Variants in TRAF5 observed in about 807,000 individuals in gnomAD.
The protein encoded by TRAF5 is TNF receptor-associated factor 5.
Under a neutral mutation model 64.5 loss-of-function variants are expected in TRAF5, and 48 were observed. The ratio of observed to expected loss-of-function variants is 0.74; its 90% CI spans 0.59 to 0.95. TRAF5 has a LOEUF of 0.95. TRAF5 is among the 40% of genes least tolerant of loss of function. The probability of loss-of-function intolerance (pLI) is 0.00; values close to 1 mark genes in which losing one functional copy is unlikely to be tolerated. For missense variants in TRAF5, 545 were observed against 662.8 expected (o/e 0.82, Z 1.95); for synonymous variants, 206 against 240.5 (o/e 0.86, Z 1.33).
At chr1:211,358,654 G>A (rs1386089595) in intron 4 of TRAF5, 1 of 150,864 alleles carries the variant, frequency 6.6e-6, no homozygotes, top group Non-Finnish European at 1.5e-5. Flanking sequence ...TGCAGTGAAC[G>A]GAGATTGCGC....
chr1:211,364,378 A>G (rs1443864447), intron 7 of TRAF5, among the ~76,000 whole-genome samples: 1 of 152,164 alleles, frequency 6.6e-6, no homozygotes, highest in Non-Finnish European at 1.5e-5. Flanking sequence ...AGGAAGAACT[A>G]GCGTTGACTT....
intron 8 of TRAF5, among the ~76,000 whole-genome samples, chr1:211,367,103 T>G (rs193294206): frequency 6.6e-6 from 1 of 152,296 alleles, no homozygotes; most frequent in East Asian, 1.9e-4. Flanking sequence ...TACCTCAGCC[T>G]CTTGAGTAGC....
At position 211,337,369 on chromosome 1, in the gene TRAF5, C is replaced by T. The variant is rs777942459; in HGVS notation, c.-2+10480C>T. 6.6e-5 allele frequency among the ~76,000 whole-genome samples: 10 copies of T among 152,034 alleles called. No individual in the cohort carries two copies. In the East Asian group the frequency reaches 7.7e-4, roughly 12 times the overall value. On this transcript the variant is annotated intron_variant, in intron 1 of 10. Coordinates refer to ENST00000261464, the MANE Select transcript of TRAF5 (RefSeq NM_001033910.3). ...AAGCCTCTTCTGCTGTTCAAGAAGA[C>T]GCAAGGCAGTGTTGCCAGAGTGAGT...
At chr1:211,336,452 C>G (rs1040561712) in intron 1 of TRAF5, among the ~76,000 whole-genome samples, 4 of 152,222 alleles carry the variant, frequency 2.6e-5, no homozygotes, top group African/African-American at 9.6e-5. Flanking sequence ...ACTCCTACCC[C>G]AGGTCAGCCA....
intron 1 of TRAF5, among the ~76,000 whole-genome samples, chr1:211,342,044 ACTT>A (rs757831576): frequency 2.6e-5 from 4 of 152,274 alleles, no homozygotes; most frequent in Non-Finnish European, 2.9e-5. Context: ...GGGTCAGCAA[ACTT>A]CTTCTGTAAA....
intron 4 of TRAF5, chr1:211,358,661 G>A (rs1703065118): frequency 6.6e-6 from 1 of 151,266 alleles, no homozygotes; most frequent in African/African-American, 2.4e-5. Flanking sequence ...AACGGAGATT[G>A]CGCCACTTCA....
chr1:211,371,874 C>A, intron 10 of TRAF5, among the ~76,000 whole-genome samples: 1 of 152,186 alleles, frequency 6.6e-6, no homozygotes, highest in Admixed American at 6.5e-5. Flanking sequence ...CTGATTCACG[C>A]TAGTTGAATG....
At chr1:211,332,704 T>C (rs1260290885) in intron 1 of TRAF5, among the ~76,000 whole-genome samples, 1 of 152,010 alleles carries the variant, frequency 6.6e-6, no homozygotes, top group Non-Finnish European at 1.5e-5. Flanking sequence ...ATTCCAGGAA[T>C]AACCCACTAG....
At chr1:211,337,428 C>T (rs1331158431) in intron 1 of TRAF5, among the ~76,000 whole-genome samples, 2 of 152,152 alleles carry the variant, frequency 1.3e-5, no homozygotes, top group Non-Finnish European at 2.9e-5. Context: ...AGTAAGGACA[C>T]AGAGAATGGA....
rs562087114 is a variant in TRAF5, at chr1:211,369,670, T to C, written c.930+78T>C. ...AGAGTTTTTCTTTTAACTTCTTAAATAGAAATAATTTAAAATATACAGAAA... is the reference window on the plus strand; with the variant it reads ...AGAGTTTTTCTTTTAACTTCTTAAACAGAAATAATTTAAAATATACAGAAA... On this transcript the variant is annotated intron_variant, in intron 9 of 10. Transcript: ENST00000261464. The C allele has an allele frequency of 4.4e-6, 6 of 1,352,962 alleles. No individual in the cohort carries two copies. The South Asian group carries it at 9.7e-5, about 22-fold the overall frequency. The allele number at this position is 1,352,962 out of a possible 1,614,324, so 83.8% of individuals were successfully genotyped here. A position where few individuals can be genotyped will look rare whatever the true frequency, so the allele number is the denominator to read the frequency against.
Position 211,333,440 on chromosome 1 carries a change from C to A in TRAF5, c.-2+6551C>A, listed in dbSNP as rs534334573. ...CCAACCTCAGGCGATCCACTCCCCCCCCACTCCCCACTAGGCCTCCCAAAG... is the reference window on the plus strand; with the variant it reads ...CCAACCTCAGGCGATCCACTCCCCCACCACTCCCCACTAGGCCTCCCAAAG... On this transcript the variant is annotated intron_variant, in intron 1 of 10. Transcript: ENST00000261464. Among the ~76,000 whole-genome samples, 364 of 152,130 alleles carry A rather than the reference C, an allele frequency of 2.4e-3. 1 individual carries two copies. Among genetic ancestry groups the A allele is most frequent in the Admixed American group, 6.2e-3 (95 of 15,270 alleles).
In TRAF5 at chr1:211,373,025, G is replaced by C; in HGVS notation, c.*323G>C. 1 of 190,460 alleles carries C rather than the reference G, an allele frequency of 5.3e-6. No homozygotes were observed. Among genetic ancestry groups the C allele is most frequent in the Non-Finnish European group, 1.1e-5 (1 of 92,674 alleles). The allele number at this position is 190,460 out of a possible 1,614,324, so 11.8% of individuals were successfully genotyped here. ...GTGTCTCGGGCACTCTAAATATTGA[G>C]TGTTATGGAGGACACAGAGGTAGCA... On this transcript the variant is annotated 3_prime_UTR_variant, in exon 11 of 11. Coordinates refer to ENST00000261464, the MANE Select transcript of TRAF5 (RefSeq NM_001033910.3).
intron 4 of TRAF5, chr1:211,358,386 G>A (rs1465026228): frequency 6.6e-6 from 1 of 151,818 alleles, no homozygotes; most frequent in Admixed American, 6.6e-5. Context: ...TGAGGCAGGA[G>A]AATCGCTTGA....
intron 5 of TRAF5, 124 bp from the exon 6 acceptor site, chr1:211,360,578 A>G: frequency 5.9e-6 from 4 of 673,518 alleles, no homozygotes; most frequent in Non-Finnish European, 7.7e-6. Flanking sequence ...CTTTTTTGGA[A>G]TTAGGCAATA....
intron 10 of TRAF5, among the ~76,000 whole-genome samples, chr1:211,371,867 A>ATTCACGC (rs1235880536): frequency 4.6e-5 from 7 of 152,234 alleles, no homozygotes; most frequent in African/African-American, 1.7e-4. Context: ...CAGCATGCTG[A>ATTCACGC]TTCACGCTAG....
chr1:211,349,078 C>T (rs962271046), intron 1 of TRAF5, among the ~76,000 whole-genome samples: 31 of 148,868 alleles, frequency 2.1e-4, no homozygotes, highest in Admixed American at 1.7e-3. Flanking sequence ...CGTGGTGGCA[C>T]GCACCTGTAG....
chr1:211,365,603 C>A (rs1209184857), intron 8 of TRAF5, 135 bp downstream of exon 8: 7 of 664,830 alleles, frequency 1.1e-5, no homozygotes, highest in Non-Finnish European at 1.7e-5. Context: ...TATTAAGTGG[C>A]CAAACAGGCT....
At chr1:211,336,834 C>A (rs1466855029) in intron 1 of TRAF5, among the ~76,000 whole-genome samples, 1 of 152,170 alleles carries the variant, frequency 6.6e-6, no homozygotes, top group Non-Finnish European at 1.5e-5. Context: ...TAATTTTTGT[C>A]TTTTTGGTAG....
chr1:211,370,251 A>T (rs989969348), intron 9 of TRAF5, among the ~76,000 whole-genome samples: 1 of 152,158 alleles, frequency 6.6e-6, no homozygotes, highest in African/African-American at 2.4e-5. Flanking sequence ...TGTCTTTATC[A>T]TGATTATAAA....
Sources: gnomAD v4.1 joint callset for allele counts (sites outside exome capture counted in the v4.1 genomes callset) on GRCh38, gnomAD v4.1.1 for gene constraint, MANE v1.5 for transcripts, NCBI Gene and HGNC (gene_info 2026-07-23, HGNC 2026-07-21) for gene names.